The following VPS41 variants were observed in gnomAD, a reference collection of about 807,000 sequenced individuals.
The protein encoded by VPS41 is vacuolar protein sorting-associated protein 41 homolog.
Under a neutral mutation model 130.9 loss-of-function variants are expected in VPS41, and 85 were observed. The observed-to-expected ratio is 0.65, with a 90% CI of 0.55 to 0.78. VPS41 has a LOEUF of 0.78. Among genes scored for constraint, VPS41 ranks in the 30% least tolerant of loss-of-function variants. The probability of loss-of-function intolerance (pLI) is 0.00; values close to 1 mark genes in which losing one functional copy is unlikely to be tolerated. For missense variants in VPS41, 874 were observed against 1,018.7 expected, an observed-to-expected ratio of 0.86 and a Z score of 1.93; for synonymous variants, 335 against 332.9, an observed-to-expected ratio of 1.01 and a Z score of -0.07.
At chr7:38,795,269 A>G (rs1181612274) in intron 9 of VPS41, among the ~76,000 whole-genome samples, 196 bp downstream of exon 9, 1 of 152,236 alleles carries the variant, frequency 6.6e-6, no homozygotes, top group African/African-American at 2.4e-5. Context: ...ATAGTTTTAC[A>G]TGCCATGGAA....
intron 1 of VPS41, among the ~76,000 whole-genome samples, chr7:38,905,785 T>G (rs1179620206): frequency 2.6e-5 from 4 of 151,952 alleles, no homozygotes; most frequent in East Asian, 1.9e-4. Context: ...TTTTTGGGGG[T>G]TTTTTTGTTG....
intron 15 of VPS41, 84 bp from the exon 16 acceptor site, chr7:38,765,745 TC>T: frequency 3.6e-6 from 3 of 842,612 alleles, no homozygotes; most frequent in South Asian, 1.8e-5. Flanking sequence ...GTAGACATTT[TC>T]CCCAGAGGTT....
At chr7:38,809,921 TA>T (rs5883662) in intron 7 of VPS41, among the ~76,000 whole-genome samples, 5,052 of 147,864 alleles carry the variant, frequency 0.034, 287 homozygotes, top group African/African-American at 0.12. Context: ...GCTGGACAAT[TA>T]AAAAAAAAAA....
At chr7:38,873,267 AAAGGTGAATTTTTT>A (rs1786412198) in intron 2 of VPS41, among the ~76,000 whole-genome samples, 1 of 152,100 alleles carries the variant, frequency 6.6e-6, no homozygotes, top group Admixed American at 6.5e-5. Context: ...AAAGTAGGGT[AAAGGTGAATTTTTT>A]AAGGTTTTTT....
At chr7:38,817,940 A>G (rs1785091682) in intron 6 of VPS41, 58 bp from the exon 7 acceptor site, 1 of 1,330,376 alleles carries the variant, frequency 7.5e-7, no homozygotes, top group South Asian at 1.2e-5. Context: ...GCACAGAATG[A>G]AAACCCCTGA....
intron 25 of VPS41, chr7:38,741,331 C>T: frequency 2.9e-6 from 1 of 350,408 alleles, no homozygotes; most frequent in Non-Finnish European, 5.7e-6. Context: ...AAGTTACCAG[C>T]ATCCTGAAAA....
intron 21 of VPS41, among the ~76,000 whole-genome samples, chr7:38,754,201 C>A (rs189720467): frequency 4.6e-4 from 70 of 152,302 alleles, no homozygotes; most frequent in Admixed American, 2.5e-3. Context: ...AAATGAGACT[C>A]TGCCCTTTTA....
At chr7:38,729,778 C>T (rs1795620629) in intron 25 of VPS41, among the ~76,000 whole-genome samples, 1 of 152,112 alleles carries the variant, frequency 6.6e-6, no homozygotes, top group African/African-American at 2.4e-5. Flanking sequence ...GGGGACACAG[C>T]AGGGACAGGC....
chr7:38,727,023 A>C, intron 27 of VPS41, 35 bp from the exon 28 acceptor site: 1 of 1,485,714 alleles, frequency 6.7e-7, no homozygotes, highest in Non-Finnish European at 9.0e-7. Context: ...GGAGAACTTA[A>C]TGCAACAAGC....
At chr7:38,798,679 T>C (rs913473187) in intron 7 of VPS41, among the ~76,000 whole-genome samples, 1 of 152,076 alleles carries the variant, frequency 6.6e-6, no homozygotes, top group African/African-American at 2.4e-5. Context: ...TCGTCCGAAA[T>C]GGGTGAAGCA....
intron 4 of VPS41, among the ~76,000 whole-genome samples, chr7:38,853,869 G>A (rs757686733): frequency 1.3e-5 from 2 of 152,236 alleles, no homozygotes; most frequent in East Asian, 3.8e-4. Flanking sequence ...TGAAGGGTCA[G>A]ATGTTAAAAC....
intron 2 of VPS41, among the ~76,000 whole-genome samples, chr7:38,885,636 A>G (rs1051694382): frequency 6.6e-6 from 1 of 152,214 alleles, no homozygotes. Flanking sequence ...ATCCACATAA[A>G]GGACTCAGCA....
intron 3 of VPS41, among the ~76,000 whole-genome samples, chr7:38,863,751 C>T (rs531520911): frequency 6.6e-6 from 1 of 152,250 alleles, no homozygotes; most frequent in African/African-American, 2.4e-5. Flanking sequence ...GCAGACATAA[C>T]TAGGTATGAC....
intron 4 of VPS41, among the ~76,000 whole-genome samples, chr7:38,848,229 C>T (rs186655340): frequency 1.2e-4 from 19 of 152,336 alleles, no homozygotes; most frequent in African/African-American, 4.3e-4. Flanking sequence ...GCACTGGGAT[C>T]GACTTCACAC....
intron 4 of VPS41, among the ~76,000 whole-genome samples, chr7:38,851,937 A>G (rs1028628962): frequency 1.3e-5 from 2 of 152,220 alleles, no homozygotes; most frequent in Non-Finnish European, 1.5e-5. Context: ...AAAAAAAGCT[A>G]AAGTGTTAAC....
chr7:38,843,900 T>C (rs563935921), intron 4 of VPS41, among the ~76,000 whole-genome samples: 1 of 152,312 alleles, frequency 6.6e-6, no homozygotes, highest in South Asian at 2.1e-4. Context: ...CCGGGTTATG[T>C]TACATTTAAT....
intron 24 of VPS41, among the ~76,000 whole-genome samples, chr7:38,743,187 C>G (rs547685300): frequency 6.6e-6 from 1 of 152,286 alleles, no homozygotes; most frequent in African/African-American, 2.4e-5. Context: ...GCCACCTGTT[C>G]TTCATCACAT....
chr7:38,832,133 T>C (rs2116179669), intron 4 of VPS41, among the ~76,000 whole-genome samples: 1 of 152,180 alleles, frequency 6.6e-6, no homozygotes, highest in South Asian at 2.1e-4. Flanking sequence ...TCACTTCTCT[T>C]ACTCATTTTT....
intron 7 of VPS41, among the ~76,000 whole-genome samples, chr7:38,803,268 G>A (rs1185521028): frequency 1.3e-5 from 2 of 152,178 alleles, no homozygotes; most frequent in Non-Finnish European, 2.9e-5. Flanking sequence ...TTCCCTGATG[G>A]AGTTGAAAAG....
Sources: allele counts gnomAD v4.1 joint callset (sites outside exome capture counted in the v4.1 genomes callset), GRCh38; gene constraint gnomAD v4.1.1; transcripts MANE v1.5; gene names NCBI Gene and HGNC (gene_info 2026-07-23, HGNC 2026-07-21).